Variants in FBXO22 observed in about 807,000 individuals in gnomAD.
FBXO22 encodes the protein F-box protein 22.
Under a neutral mutation model 37.2 loss-of-function variants are expected in FBXO22, and 13 were observed. That is an observed-to-expected ratio of 0.35 (90% CI 0.23 to 0.56). The LOEUF (loss-of-function observed/expected upper bound fraction) is 0.56. FBXO22 is among the 20% of genes least tolerant of loss of function. FBXO22 has a pLI of 0.87. For synonymous variants in FBXO22, 189 were observed against 189.1 expected, an observed-to-expected ratio of 1.00 and a Z score of 0.00; for missense variants, 446 against 509.9, an observed-to-expected ratio of 0.87 and a Z score of 1.21.
Position 75,936,012 on chromosome 15 carries a change from C to T in FBXO22, c.*2910C>T, listed in dbSNP as rs537571008. The stretch of plus-strand genomic sequence containing the variant: ...CCGTGTTAGCCAAGATGGTCTCGAT[C>T]TCCTGACCTTGTGATCCGCCCGCCT... On this transcript the variant is annotated 3_prime_UTR_variant, in exon 7 of 7. Transcript: ENST00000308275. 1 of 152,312 alleles carries T rather than the reference C, an allele frequency of 6.6e-6. No homozygotes were observed. Among genetic ancestry groups the T allele is most frequent in the East Asian group, 1.9e-4 (1 of 5,182 alleles). The allele number at this position is 152,312 out of a possible 1,614,324, so 9.4% of individuals were successfully genotyped here. A position where few individuals can be genotyped will look rare whatever the true frequency, so the allele number is the denominator to read the frequency against.
chr15:75,925,730 T>C (rs60155009), intron 5 of FBXO22, among the ~76,000 whole-genome samples: 5,970 of 151,164 alleles, frequency 0.039, 212 homozygotes, highest in African/African-American at 0.094. Flanking sequence ...AGGCAGACTT[T>C]ATTTGGGAGA....
Position 75,939,306 on chromosome 15 carries a change from C to T in FBXO22, c.*6204C>T, listed in dbSNP as rs770078259. The T allele has an allele frequency of 4.6e-5, 7 of 152,020 alleles. No individual in the cohort carries two copies. Among genetic ancestry groups the T allele is most frequent in the Admixed American group, 1.3e-4 (2 of 15,268 alleles). 9.4% of individuals were successfully genotyped at this position (152,020 alleles called of 1,614,324 possible). A position where few individuals can be genotyped will look rare whatever the true frequency, so the allele number is the denominator to read the frequency against. On this transcript the variant is annotated 3_prime_UTR_variant, in exon 7 of 7. Coordinates refer to ENST00000308275, the MANE Select transcript of FBXO22 (RefSeq NM_147188.3). ...GAAAAGGGTTATAGAAGAATACCTT[C>T]GACAATCTAGATGAAATGCTCAAAG... is the stretch of plus-strand genomic sequence containing the variant.
rs2030439280 is a variant in FBXO22, at chr15:75,937,252, G to A, written c.*4150G>A. 6.6e-6 allele frequency: 1 copy of A among 151,314 alleles called. No homozygotes were observed. The highest frequency in any genetic ancestry group is 2.4e-5 in the African/African-American group (1 of 41,246). 9.4% of individuals were successfully genotyped at this position (151,314 alleles called of 1,614,324 possible). A position where few individuals can be genotyped will look rare whatever the true frequency, so the allele number is the denominator to read the frequency against. On this transcript the variant is annotated 3_prime_UTR_variant, in exon 7 of 7. Coordinates refer to ENST00000308275, the MANE Select transcript of FBXO22 (RefSeq NM_147188.3). ...AGGCCGGGCGTGGTGGCTCACGCCTGTAATTCCAGCACTTTGGGAGGCCGA... is the reference window on the plus strand; with the variant it reads ...AGGCCGGGCGTGGTGGCTCACGCCTATAATTCCAGCACTTTGGGAGGCCGA...
chr15:75,929,558 G>A (rs2029935890), intron 5 of FBXO22, among the ~76,000 whole-genome samples: 1 of 151,326 alleles, frequency 6.6e-6, no homozygotes, highest in Admixed American at 6.6e-5. Flanking sequence ...TTGCACCTTG[G>A]TCTACCAAGA....
chr15:75,942,478 A>C lies in FBXO22; in HGVS notation c.*9376A>C, dbSNP rs891518640. ...ATACTATCTGCTCAGTTTTTCTGAA[A>C]ATCTAAAACTTCTAATAAAGTCTAT... is the stretch of plus-strand genomic sequence containing the variant. On this transcript the variant is annotated 3_prime_UTR_variant, in exon 7 of 7. Coordinates refer to ENST00000308275, the MANE Select transcript of FBXO22 (RefSeq NM_147188.3). The C allele has an allele frequency of 5.3e-5, 8 of 152,182 alleles. No homozygotes were observed. The highest frequency in any genetic ancestry group is 1.7e-4 in the African/African-American group (7 of 41,440). The allele number at this position is 152,182 out of a possible 1,614,324, so 9.4% of individuals were successfully genotyped here.
At chr15:75,904,458 C>A in intron 1 of FBXO22, 33 bp from the exon 2 acceptor site, 1 of 1,612,850 alleles carries the variant, frequency 6.2e-7, no homozygotes, top group Non-Finnish European at 8.5e-7. Flanking sequence ...AATGAACGTC[C>A]GTTCGCAATC....
chr15:75,925,726 A>G (rs1900424549), intron 5 of FBXO22, among the ~76,000 whole-genome samples: 1 of 150,986 alleles, frequency 6.6e-6, no homozygotes, highest in Non-Finnish European at 1.5e-5. Flanking sequence ...AATGAGGCAG[A>G]CTTTATTTGG....
chr15:75,930,310 C>G, intron 6 of FBXO22: 2 of 1,373,422 alleles, frequency 1.5e-6, no homozygotes, highest in South Asian at 1.6e-5. Context: ...GCCTGTTGAT[C>G]TTTCCTTTGA....
rs1036451351 is a variant in FBXO22 at position 75,939,968 on chromosome 15, C to T, written c.*6866C>T. The T allele has an allele frequency of 1.3e-5, 2 of 152,104 alleles. No individual in the cohort carries two copies. The highest frequency in any genetic ancestry group is 2.9e-5 in the Non-Finnish European group (2 of 67,970). The allele number at this position is 152,104 out of a possible 1,614,324, so 9.4% of individuals were successfully genotyped here. A position where few individuals can be genotyped will look rare whatever the true frequency, so the allele number is the denominator to read the frequency against. ...TTTCCTCTAAGATCAAGACAATGCT[C>T]ATTTCACCATTCCTATTCAACACAG... On this transcript the variant is annotated 3_prime_UTR_variant, in exon 7 of 7. Transcript: ENST00000308275.
In FBXO22 at chr15:75,914,222, A is replaced by G. The variant is rs751012529; in HGVS notation, c.463+17A>G. The G allele has an allele frequency of 6.4e-7, 1 of 1,573,110 alleles. No homozygotes were observed. Among genetic ancestry groups the G allele is most frequent in the Non-Finnish European group, 8.7e-7 (1 of 1,145,054 alleles). Reference sequence around the variant, plus strand: ...GAATTGTAGGTGAGATAAATTAGCAACTTGATGATTTCTTCCTTGCATTAA... The same window carrying G: ...GAATTGTAGGTGAGATAAATTAGCAGCTTGATGATTTCTTCCTTGCATTAA... On this transcript the variant is annotated intron_variant, in intron 4 of 6. Coordinates refer to ENST00000308275, the MANE Select transcript of FBXO22 (RefSeq NM_147188.3).
chr15:75,926,867 C>CA (rs1900454769), intron 5 of FBXO22, among the ~76,000 whole-genome samples: 1 of 152,178 alleles, frequency 6.6e-6, no homozygotes, highest in African/African-American at 2.4e-5. Flanking sequence ...GCAGATGTCT[C>CA]AGAGTAGGTG....
At chr15:75,912,239 T>C (rs1900074102) in intron 2 of FBXO22, among the ~76,000 whole-genome samples, 1 of 152,108 alleles carries the variant, frequency 6.6e-6, no homozygotes, top group South Asian at 2.1e-4. Context: ...TCTTTTTTTA[T>C]TGTGTCTCTG....
chr15:75,930,301 C>T, intron 6 of FBXO22: 3 of 1,384,980 alleles, frequency 2.2e-6, no homozygotes, highest in Non-Finnish European at 2.8e-6. Flanking sequence ...TTTGACATTG[C>T]CTGTTGATCT....
intron 2 of FBXO22, among the ~76,000 whole-genome samples, chr15:75,908,567 GC>G (rs942001500): frequency 7.2e-5 from 11 of 152,148 alleles, no homozygotes; most frequent in African/African-American, 2.7e-4. Flanking sequence ...ACTGTGCCTT[GC>G]CCGTAAATCT....
At chr15:75,932,455 T>C (rs2030066677) in intron 6 of FBXO22, among the ~76,000 whole-genome samples, 1 of 152,152 alleles carries the variant, frequency 6.6e-6, no homozygotes, top group Admixed American at 6.5e-5. Context: ...CATTGCCCCT[T>C]TGTATTTGTG....
At position 75,939,928 on chromosome 15, in the gene FBXO22, T is replaced by TA. The variant is rs1021174655; in HGVS notation, c.*6826_*6827insA. ...GAAAAGCCCACGGTAGACACCATAC[T>TA]TAGTGGTGAAAGCTTTTCCTCTAAG... On this transcript the variant is annotated 3_prime_UTR_variant, in exon 7 of 7. Coordinates refer to ENST00000308275, the MANE Select transcript of FBXO22 (RefSeq NM_147188.3). 6.6e-6 allele frequency: 1 copy of TA among 152,076 alleles called. No individual in the cohort carries two copies. Among genetic ancestry groups the TA allele is most frequent in the Non-Finnish European group, 1.5e-5 (1 of 67,970 alleles). 9.4% of individuals were successfully genotyped at this position (152,076 alleles called of 1,614,324 possible).
chr15:75,907,604 T>G (rs1286571010), intron 2 of FBXO22, among the ~76,000 whole-genome samples: 1 of 152,104 alleles, frequency 6.6e-6, no homozygotes, highest in East Asian at 1.9e-4. Context: ...ATTAGAAATA[T>G]TTTAAAGTCC....
chr15:75,932,543 A>C (rs1359949120), intron 6 of FBXO22, 142 bp from the exon 7 acceptor site: 4 of 695,220 alleles, frequency 5.8e-6, no homozygotes, highest in Non-Finnish European at 9.3e-6. Context: ...ACCCTATTTT[A>C]CTCACCTATG....
chr15:75,933,290 C>T lies in FBXO22; in HGVS notation c.*188C>T, dbSNP rs753207047. The T allele has an allele frequency of 1.8e-6, 1 of 564,028 alleles. No individual in the cohort carries two copies. 34.9% of individuals were successfully genotyped at this position (564,028 alleles called of 1,614,324 possible). A position where few individuals can be genotyped will look rare whatever the true frequency, so the allele number is the denominator to read the frequency against. On this transcript the variant is annotated 3_prime_UTR_variant, in exon 7 of 7. Transcript: ENST00000308275. ...AGATGAAGGACAACTTTGGACATAA[C>T]ACTGACTAGGAGTTGAGAGCTTTTG... is the stretch of plus-strand genomic sequence containing the variant.
Sources: allele counts gnomAD v4.1 joint callset (sites outside exome capture counted in the v4.1 genomes callset), GRCh38; gene constraint gnomAD v4.1.1; transcripts MANE v1.5; gene names NCBI Gene and HGNC (gene_info 2026-07-23, HGNC 2026-07-21).